The following DOK6 variants were observed in gnomAD, a reference collection of about 807,000 sequenced individuals.
DOK6 encodes the protein downstream of tyrosine kinase 6.
DOK6 carries 22 observed loss-of-function variants against 44.0 expected under a neutral mutation model. That is an observed-to-expected ratio of 0.50 (90% confidence interval 0.36 to 0.71). The LOEUF (loss-of-function observed/expected upper bound fraction) is 0.71. Ranked by LOEUF, DOK6 falls within the 30% of genes least tolerant of loss-of-function variation. DOK6 has a pLI of 0.00. For missense variants in DOK6, 340 were observed against 416.4 expected (o/e 0.82, Z 1.60); for synonymous variants, 166 against 145.5 (o/e 1.14, Z -1.01).
chr18:69,571,146 C>A (rs1328100331), intron 2 of DOK6, among the ~76,000 whole-genome samples: 1 of 151,962 alleles, frequency 6.6e-6, no homozygotes, highest in South Asian at 2.1e-4. Context: ...TCATGGCTTA[C>A]ATAAAGTGGT....
intron 7 of DOK6, among the ~76,000 whole-genome samples, chr18:69,801,300 C>A (rs1048926298): frequency 6.6e-6 from 1 of 152,112 alleles, no homozygotes; most frequent in Admixed American, 6.6e-5. Context: ...AACCAACACT[C>A]ATTGTCAGGC....
chr18:69,745,402 T>TA (rs1294607958), intron 6 of DOK6, among the ~76,000 whole-genome samples: 1 of 152,200 alleles, frequency 6.6e-6, no homozygotes, highest in African/African-American at 2.4e-5. Context: ...ATACAGACAT[T>TA]ATGACAACAT....
At chr18:69,639,807 T>C (rs757489220) in intron 3 of DOK6, among the ~76,000 whole-genome samples, 14 of 152,158 alleles carry the variant, frequency 9.2e-5, no homozygotes, top group Admixed American at 7.9e-4. Flanking sequence ...GCATTACTAA[T>C]TGGCTGAGGA....
At chr18:69,401,480 G>C (rs1041131669) in intron 1 of DOK6, among the ~76,000 whole-genome samples, 170 bp downstream of exon 1, 8 of 152,028 alleles carry the variant, frequency 5.3e-5, no homozygotes, top group Non-Finnish European at 1.0e-4. Flanking sequence ...ACACCTGCCG[G>C]GGGGCTCCGC....
Position 69,599,446 on chromosome 18 carries a change from G to T in DOK6, c.237G>T (p.Ala79=), listed in dbSNP as rs776114206. 1 of 1,613,816 alleles carries T rather than the reference G, an allele frequency of 6.2e-7. No homozygotes were observed. The highest frequency in any genetic ancestry group is 8.5e-7 in the Non-Finnish European group (1 of 1,179,916). Residue 79 remains alanine, a synonymous_variant, in exon 3 of 8, where the codon GCG becomes GCT. Coordinates refer to ENST00000382713, the MANE Select transcript of DOK6 (RefSeq NM_152721.6). ...TRLPRETKKH[A]VAIIFHDETS... ...TGCCCCGAGAGACAAAGAAGCATGC[G>T]GTGGCAATCATCTTTCACGATGAAA...
intron 4 of DOK6, among the ~76,000 whole-genome samples, chr18:69,687,718 C>T (rs1199301224): frequency 6.6e-6 from 1 of 152,042 alleles, no homozygotes; most frequent in Non-Finnish European, 1.5e-5. Context: ...AAATGAGACA[C>T]TAACAGACTG....
intron 3 of DOK6, among the ~76,000 whole-genome samples, chr18:69,601,312 G>A (rs1343134791): frequency 6.6e-6 from 1 of 152,144 alleles, no homozygotes; most frequent in Non-Finnish European, 1.5e-5. Flanking sequence ...AATAGAAAAG[G>A]TGTATTATTT....
chr18:69,430,952 G>A (rs369785719), intron 1 of DOK6, among the ~76,000 whole-genome samples: 9 of 152,140 alleles, frequency 5.9e-5, no homozygotes, highest in Admixed American at 5.9e-4. Flanking sequence ...GCGACAGAGC[G>A]AGTCTCCGTC....
intron 7 of DOK6, among the ~76,000 whole-genome samples, chr18:69,771,657 A>C (rs1187612111): frequency 6.6e-6 from 1 of 151,980 alleles, no homozygotes; most frequent in Admixed American, 6.6e-5. Flanking sequence ...TATGTACATT[A>C]GCATCTTATT....
intron 3 of DOK6, among the ~76,000 whole-genome samples, chr18:69,603,352 A>G (rs913441580): frequency 2.6e-5 from 4 of 152,162 alleles, no homozygotes; most frequent in Admixed American, 1.3e-4. Flanking sequence ...CAGCCGGCCT[A>G]CCTTACAGAG....
intron 3 of DOK6, among the ~76,000 whole-genome samples, chr18:69,666,930 G>T (rs143338301): frequency 1.3e-5 from 2 of 152,268 alleles, no homozygotes; most frequent in Non-Finnish European, 2.9e-5. Flanking sequence ...AAATAAGTCT[G>T]CCTATCTGCA....
chr18:69,658,334 G>A (rs1380619963), intron 3 of DOK6, among the ~76,000 whole-genome samples: 1 of 152,114 alleles, frequency 6.6e-6, no homozygotes, highest in Admixed American at 6.5e-5. Context: ...TTTGGTCTTG[G>A]TGACATCATC....
intron 7 of DOK6, among the ~76,000 whole-genome samples, chr18:69,780,394 C>G (rs1310136384): frequency 6.6e-6 from 1 of 152,148 alleles, no homozygotes; most frequent in Non-Finnish European, 1.5e-5. Flanking sequence ...GAGTTCAAGA[C>G]CAGCCTGGCC....
intron 4 of DOK6, among the ~76,000 whole-genome samples, chr18:69,690,761 T>G (rs1474377050): frequency 6.6e-6 from 1 of 152,230 alleles, no homozygotes; most frequent in Non-Finnish European, 1.5e-5. Context: ...ACCAGATTCT[T>G]GAGGACTTAC....
At position 69,626,649 on chromosome 18, in the gene DOK6, T is replaced by C. The variant is rs1026893078; in HGVS notation, c.289+27151T>C. On this transcript the variant is annotated intron_variant, in intron 3 of 7. Transcript: ENST00000382713. ...AAATCGAGGCAGGAAAAACTGGTCTTAACCAAAGGAAAAATAAACTTTCTC... is the reference window on the plus strand; with the variant it reads ...AAATCGAGGCAGGAAAAACTGGTCTCAACCAAAGGAAAAATAAACTTTCTC... Among the ~76,000 whole-genome samples the C allele has an allele frequency of 9.0e-4, 137 of 152,324 alleles. 1 individual carries two copies. Among genetic ancestry groups the C allele is most frequent in the African/African-American group, 3.1e-3 (128 of 41,574 alleles).
chr18:69,494,583 G>A (rs973533130), intron 1 of DOK6, among the ~76,000 whole-genome samples: 1 of 152,086 alleles, frequency 6.6e-6, no homozygotes, highest in Non-Finnish European at 1.5e-5. Context: ...TTATTTTCTG[G>A]AATTACTGAC....
At chr18:69,576,845 T>A (rs1049154624) in intron 2 of DOK6, among the ~76,000 whole-genome samples, 1 of 152,192 alleles carries the variant, frequency 6.6e-6, no homozygotes, top group African/African-American at 2.4e-5. Flanking sequence ...TAAATTTTCC[T>A]TAATTTTCTA....
intron 5 of DOK6, among the ~76,000 whole-genome samples, chr18:69,725,989 T>C (rs1978304970): frequency 6.6e-6 from 1 of 152,168 alleles, no homozygotes; most frequent in Non-Finnish European, 1.5e-5. Flanking sequence ...GTTACTCCTG[T>C]GTCTTGTAGA....
intron 3 of DOK6, among the ~76,000 whole-genome samples, chr18:69,605,145 C>A (rs1983967718): frequency 6.9e-6 from 1 of 145,070 alleles, no homozygotes; most frequent in South Asian, 2.2e-4. Context: ...TCAGCTGAGA[C>A]CAAATCATTT....
Sources: allele counts gnomAD v4.1 joint callset (sites outside exome capture counted in the v4.1 genomes callset), GRCh38; gene constraint gnomAD v4.1.1; transcripts MANE v1.5; gene names NCBI Gene and HGNC (gene_info 2026-07-23, HGNC 2026-07-21).